RAB11FIP2: variants seen among roughly 807,000 people sequenced by gnomAD.
RAB11FIP2 encodes RAB11 family interacting protein 2.
In RAB11FIP2, 16 loss-of-function variants were observed where a neutral mutation model predicts 40.9. That is an observed-to-expected ratio of 0.39 (90% confidence interval 0.26 to 0.59). The LOEUF is 0.59. Among genes scored for constraint, RAB11FIP2 ranks in the 20% least tolerant of loss-of-function variants. The pLI, the probability that RAB11FIP2 is intolerant of heterozygous loss-of-function variation, is 0.53. For missense variants in RAB11FIP2, 532 were observed against 606.2 expected, an observed-to-expected ratio of 0.88 and a Z score of 1.28; for synonymous variants, 228 against 213.7, an observed-to-expected ratio of 1.07 and a Z score of -0.58.
rs1020685426 is a variant in RAB11FIP2, at chr10:118,007,417, G to C, written c.*1581C>G. ...AGTTTACAAATACGAGCTTGGCCAA[G>C]TATTCTCTGATTCAAAATACTAAAA... On this transcript the variant is annotated 3_prime_UTR_variant, in exon 5 of 5. Transcript: ENST00000355624. 4 of 150,706 alleles carry C rather than the reference G, an allele frequency of 2.7e-5. No homozygotes were observed. Among genetic ancestry groups the C allele is most frequent in the Non-Finnish European group, 5.9e-5 (4 of 67,694 alleles). The allele number at this position is 150,706 out of a possible 1,614,324, so 9.3% of individuals were successfully genotyped here. A position where few individuals can be genotyped will look rare whatever the true frequency, so the allele number is the denominator to read the frequency against.
rs1846635749 is a variant in RAB11FIP2, at chr10:118,046,280, A to T, written c.-117T>A. The T allele has an allele frequency of 4.3e-6, 4 of 933,318 alleles. No individual in the cohort carries two copies. In the East Asian group the frequency reaches 9.7e-5, roughly 23 times the overall value. The allele number at this position is 933,318 out of a possible 1,614,324, so 57.8% of individuals were successfully genotyped here. On this transcript the variant is annotated 5_prime_UTR_variant, in exon 1 of 5. The change abolishes the stop of an existing upstream ORF in the 5' untranslated region. Coordinates refer to ENST00000355624, the MANE Select transcript of RAB11FIP2 (RefSeq NM_014904.3). ...ACACTTAACGGAAACAGGCAGGCTC[A>T]GGGCTCCCCGACTTCCCTATGGCTG...
At chr10:118,013,897 G>A (rs908127796) in intron 4 of RAB11FIP2, among the ~76,000 whole-genome samples, 1 of 152,020 alleles carries the variant, frequency 6.6e-6, no homozygotes, top group South Asian at 2.1e-4. Flanking sequence ...ACATTAAATC[G>A]ATTTTTTTGA....
chr10:118,018,719 A>C (rs911754159), intron 3 of RAB11FIP2, among the ~76,000 whole-genome samples: 4 of 152,310 alleles, frequency 2.6e-5, no homozygotes, highest in South Asian at 4.1e-4. Context: ...AATTTACCTC[A>C]AAGTTAAAAT....
chr10:118,023,087 C>T (rs1846300611), intron 3 of RAB11FIP2, among the ~76,000 whole-genome samples: 1 of 152,194 alleles, frequency 6.6e-6, no homozygotes, highest in African/African-American at 2.4e-5. Context: ...GGACTGCCAA[C>T]AGAATCAATT....
At chr10:118,041,123 A>T (rs1425532409) in intron 1 of RAB11FIP2, among the ~76,000 whole-genome samples, 3 of 152,138 alleles carry the variant, frequency 2.0e-5, no homozygotes, top group Non-Finnish European at 4.4e-5. Context: ...CTTGCTAATC[A>T]TTAAAACAGC....
intron 3 of RAB11FIP2, chr10:118,017,677 C>T (rs1276450758): frequency 6.6e-6 from 1 of 152,130 alleles, no homozygotes; most frequent in East Asian, 1.9e-4. Flanking sequence ...TTAATCTTTT[C>T]TTGTAAATAT....
chr10:118,039,412 T>C lies in RAB11FIP2; in HGVS notation c.825A>G (p.Thr275=), dbSNP rs771997691. The C allele has an allele frequency of 1.2e-6, 2 of 1,612,802 alleles. No homozygotes were observed. The highest frequency in any genetic ancestry group is 2.2e-5 in the East Asian group (1 of 44,858). ...TCATTTTAGAAGTATCAAAGCTTAA[T>C]GTTCTTCTGTGTGGAGATTTGAGAC... is the stretch of plus-strand genomic sequence containing the variant. ...SGSLKSPHRR[T]LSFDTSKMNQ... Residue 275 remains threonine, a synonymous_variant, in exon 3 of 5, where the codon ACA becomes ACG. Coordinates refer to ENST00000355624, the MANE Select transcript of RAB11FIP2 (RefSeq NM_014904.3).
intron 3 of RAB11FIP2, among the ~76,000 whole-genome samples, chr10:118,024,452 T>C (rs1175227934): frequency 2.0e-5 from 3 of 149,882 alleles, no homozygotes; most frequent in Non-Finnish European, 4.4e-5. Flanking sequence ...CTTCTACGTA[T>C]CCATTAGTCA....
intron 3 of RAB11FIP2, among the ~76,000 whole-genome samples, chr10:118,020,870 G>C (rs1846276069): frequency 6.6e-6 from 1 of 152,044 alleles, no homozygotes; most frequent in Non-Finnish European, 1.5e-5. Context: ...TTAGGACAAA[G>C]GTTTGTTCTA....
chr10:118,014,463 A>C (rs1471797547), intron 4 of RAB11FIP2, among the ~76,000 whole-genome samples: 1 of 152,184 alleles, frequency 6.6e-6, no homozygotes, highest in Non-Finnish European at 1.5e-5. Context: ...TAAATACTGG[A>C]CTTCAAATAC....
At chr10:118,010,005 T>C (rs11198229) in intron 4 of RAB11FIP2, among the ~76,000 whole-genome samples, 21,896 of 152,194 alleles carry the variant, frequency 0.14, 2,037 homozygotes, top group Middle Eastern at 0.21. Context: ...AAATTCTTTT[T>C]AGGCAAAAGC....
rs192418247 is a variant in RAB11FIP2, at chr10:118,033,663, A to G, written c.1265+5309T>C. Among the ~76,000 whole-genome samples, 974 of 152,258 alleles carry G rather than the reference A, an allele frequency of 6.4e-3. 3 individuals carry two copies. The highest frequency in any genetic ancestry group is 0.011 in the Non-Finnish European group (727 of 68,016). The stretch of plus-strand genomic sequence containing the variant: ...CTAGAACAGGTTGGTGAGGAACAGT[A>G]AAAGAAAACTTGGAAGGTTAAGAAA... On this transcript the variant is annotated intron_variant, in intron 3 of 4. Coordinates refer to ENST00000355624, the MANE Select transcript of RAB11FIP2 (RefSeq NM_014904.3).
chr10:118,043,821 G>A (rs188762874), intron 1 of RAB11FIP2, among the ~76,000 whole-genome samples: 29 of 152,166 alleles, frequency 1.9e-4, no homozygotes, highest in African/African-American at 7.0e-4. Context: ...ATATACCGGC[G>A]GCTCAAGTCT....
Position 118,008,045 on chromosome 10 carries a change from A to C in RAB11FIP2, c.*953T>G. ...ACTTCCCACAATTATTTTCAGATAT[A>C]ACTTTATAATATTTGCTTTGCTAGT... is the stretch of plus-strand genomic sequence containing the variant. On this transcript the variant is annotated 3_prime_UTR_variant, in exon 5 of 5. Coordinates refer to ENST00000355624, the MANE Select transcript of RAB11FIP2 (RefSeq NM_014904.3). 6.6e-6 allele frequency: 1 copy of C among 152,578 alleles called. No homozygotes were observed. The highest frequency in any genetic ancestry group is 1.5e-5 in the Non-Finnish European group (1 of 68,006). 9.5% of individuals were successfully genotyped at this position (152,578 alleles called of 1,614,324 possible).
chr10:118,028,958 TCAAA>T, intron 3 of RAB11FIP2, among the ~76,000 whole-genome samples: 1 of 151,804 alleles, frequency 6.6e-6, no homozygotes, highest in African/African-American at 2.4e-5. Context: ...CTTGCTAGTC[TCAAA>T]CAATTCAAAA....
chr10:118,027,490 T>C (rs977332818), intron 3 of RAB11FIP2, among the ~76,000 whole-genome samples: 3 of 152,228 alleles, frequency 2.0e-5, no homozygotes, highest in Admixed American at 1.3e-4. Context: ...AAAGTCTCTA[T>C]GAAACAAATG....
chr10:118,008,934 T>G lies in RAB11FIP2; in HGVS notation c.*64A>C. Reference sequence around the variant, plus strand: ...TGTAGTCTCTTTCAGTAACAAGTTTTTCCTTCCTTCCTTCTTTCTTTCTCT... The same window carrying G: ...TGTAGTCTCTTTCAGTAACAAGTTTGTCCTTCCTTCCTTCTTTCTTTCTCT... On this transcript the variant is annotated 3_prime_UTR_variant, in exon 5 of 5. Coordinates refer to ENST00000355624, the MANE Select transcript of RAB11FIP2 (RefSeq NM_014904.3). The G allele has an allele frequency of 7.4e-7, 1 of 1,344,240 alleles. No homozygotes were observed. The highest frequency in any genetic ancestry group is 1.1e-6 in the Non-Finnish European group (1 of 951,852). 83.3% of individuals were successfully genotyped at this position (1,344,240 alleles called of 1,614,324 possible).
chr10:118,017,614 T>C (rs1404515080), intron 3 of RAB11FIP2: 1 of 152,204 alleles, frequency 6.6e-6, no homozygotes, highest in Non-Finnish European at 1.5e-5. Flanking sequence ...AAGGTTCTGA[T>C]GACGCATTCC....
At chr10:118,030,405 G>T (rs377153368) in intron 3 of RAB11FIP2, among the ~76,000 whole-genome samples, 1 of 152,006 alleles carries the variant, frequency 6.6e-6, no homozygotes, top group African/African-American at 2.4e-5. Flanking sequence ...GACTCGCTAC[G>T]TGTTATCCAG....
Sources: gnomAD v4.1 joint callset for allele counts (sites outside exome capture counted in the v4.1 genomes callset) on GRCh38, gnomAD v4.1.1 for gene constraint, MANE v1.5 for transcripts, NCBI Gene and HGNC (gene_info 2026-07-23, HGNC 2026-07-21) for gene names.